The following STOML2 variants were observed in gnomAD, a reference collection of about 807,000 sequenced individuals.
The protein encoded by STOML2 is stomatin like 2, also known as stomatin-like protein 2, mitochondrial.
A neutral mutation model predicts 45.7 loss-of-function variants in STOML2; 22 were observed. That is an observed-to-expected ratio of 0.48 (90% CI 0.34 to 0.69). The LOEUF (loss-of-function observed/expected upper bound fraction) is 0.69. STOML2 is among the 30% of genes least tolerant of loss of function. The pLI is 0.01. For missense variants in STOML2, 359 were observed against 466.9 expected, an observed-to-expected ratio of 0.77 and a Z score of 2.13; for synonymous variants, 181 against 182.7, an observed-to-expected ratio of 0.99 and a Z score of 0.08.
In STOML2 at chr9:35,103,081, G is replaced by C. The variant is rs750689070; in HGVS notation, c.14C>G (p.Ala5Gly). The C allele has an allele frequency of 1.9e-6, 3 of 1,613,760 alleles. No homozygotes were observed. The highest frequency in any genetic ancestry group is 2.2e-5 in the South Asian group (2 of 91,056). The change falls in exon 1 of 10, where the codon GCG (alanine) becomes GGG (glycine). Residue 5 changes from alanine to glycine, a missense_variant. Coordinates refer to ENST00000356493, the MANE Select transcript of STOML2 (RefSeq NM_013442.3). MLAR[A>G]ARGTGALLLR... is the part of the protein sequence containing the mutation. ...CAAAAGGGCCCCAGTGCCCCGCGCC[G>C]CGCGCGCCAGCATTTCCCACCGCCG...
rs1227943452 is a variant in STOML2 at position 35,101,574 on chromosome 9, T to C, written c.445-14A>G. The stretch of plus-strand genomic sequence containing the variant: ...GGACTCCCGTTCCTGGAAAAAGAGG[T>C]GTAAGCCCCACAGCCTCAACCTACC... On this transcript the variant is annotated splice_polypyrimidine_tract_variant and intron_variant, in intron 5 of 9. Transcript: ENST00000356493. The surrounding 1 kb of genome is among the most constrained non-coding windows in gnomAD (Gnocchi z 4.3). 10 of 1,613,858 alleles carry C rather than the reference T, an allele frequency of 6.2e-6. No individual in the cohort carries two copies. Among genetic ancestry groups the C allele is most frequent in the Non-Finnish European group, 7.6e-6 (9 of 1,180,004 alleles).
In STOML2 at chr9:35,102,239, G is replaced by T. The variant is rs1829834413; in HGVS notation, c.184-45C>A. ...GTCCTCAGAAGGCTGGGAACTATTG[G>T]GTTGGGACCTAAGCTAGTCCTGGAG... On this transcript the variant is annotated intron_variant, in intron 2 of 9. Transcript: ENST00000356493. This position sits in a 1 kb window ranked among gnomAD's most constrained non-coding sequence, Gnocchi z 4.8. The T allele has an allele frequency of 1.3e-6, 2 of 1,553,952 alleles. No individual in the cohort carries two copies. Among genetic ancestry groups the T allele is most frequent in the African/African-American group, 2.7e-5 (2 of 73,308 alleles).
chr9:35,102,238 G>A lies in STOML2; in HGVS notation c.184-44C>T. On this transcript the variant is annotated intron_variant, in intron 2 of 9. Coordinates refer to ENST00000356493, the MANE Select transcript of STOML2 (RefSeq NM_013442.3). The surrounding 1 kb of genome is among the most constrained non-coding windows in gnomAD (Gnocchi z 4.8). ...GGTCCTCAGAAGGCTGGGAACTATT[G>A]GGTTGGGACCTAAGCTAGTCCTGGA... 1 of 1,567,246 alleles carries A rather than the reference G, an allele frequency of 6.4e-7. No homozygotes were observed. The highest frequency in any genetic ancestry group is 8.8e-7 in the Non-Finnish European group (1 of 1,139,992).
In STOML2 at chr9:35,099,978, C is replaced by G; in HGVS notation, c.*57G>C. 2.5e-6 allele frequency: 4 copies of G among 1,574,446 alleles called. No individual in the cohort carries two copies. Among genetic ancestry groups the G allele is most frequent in the Non-Finnish European group, 3.5e-6 (4 of 1,153,960 alleles). On this transcript the variant is annotated 3_prime_UTR_variant, in exon 10 of 10. Coordinates refer to ENST00000356493, the MANE Select transcript of STOML2 (RefSeq NM_013442.3). ...AAAATCTTGGCAGGGAAGCTAGAGC[C>G]AGAATCAGGAAAATCTGCTTCCTTG...
rs112222259 is a variant in STOML2, at chr9:35,101,295, A to G, written c.580-16T>C. On this transcript the variant is annotated splice_polypyrimidine_tract_variant and intron_variant, in intron 6 of 9. Coordinates refer to ENST00000356493, the MANE Select transcript of STOML2 (RefSeq NM_013442.3). The surrounding 1 kb of genome is among the most constrained non-coding windows in gnomAD (Gnocchi z 4.3). ...CTGCCTCCACCTGGAAGCCCACAACAATCCCAATCAACAAGCCAAGGGAGA... is the reference window on the plus strand; with the variant it reads ...CTGCCTCCACCTGGAAGCCCACAACGATCCCAATCAACAAGCCAAGGGAGA... 10 of 1,614,028 alleles carry G rather than the reference A, an allele frequency of 6.2e-6. No individual in the cohort carries two copies. The African/African-American group carries it at 1.2e-4, about 19-fold the overall frequency.
In STOML2 at chr9:35,102,798, G is replaced by C. The variant is rs778151483; in HGVS notation, c.71C>G (p.Ala24Gly). Residue 24 changes from alanine to glycine, a missense_variant, in exon 2 of 10, where the codon GCT (alanine) becomes GGT (glycine). Transcript: ENST00000356493. The surrounding 1 kb of genome is among the most constrained non-coding windows in gnomAD (Gnocchi z 4.8). ...LRGSLLASGR[A>G]PRRASSGLPR... ...CAATCCAGAGGAGGCGCGGCGCGGAGCGCGGCCAGAAGCCAGTAGAGAGCC... is the reference window on the plus strand; with the variant it reads ...CAATCCAGAGGAGGCGCGGCGCGGACCGCGGCCAGAAGCCAGTAGAGAGCC... The C allele has an allele frequency of 1.2e-6, 2 of 1,614,018 alleles. No individual in the cohort carries two copies. Among genetic ancestry groups the C allele is most frequent in the Admixed American group, 1.7e-5 (1 of 60,026 alleles).
In STOML2 at chr9:35,101,438, A is replaced by G; in HGVS notation, c.567T>C (p.Ser189=). 1 of 1,614,124 alleles carries G rather than the reference A, an allele frequency of 6.2e-7. No homozygotes were observed. The highest frequency in any genetic ancestry group is 8.5e-7 in the Non-Finnish European group (1 of 1,180,020). The part of the protein sequence containing the change: ...DIHVPPRVKE[S]MQMQVEAERR... Reference sequence around the variant, plus strand: ...CCTTGGCCCCCACCTGCATCTGCATAGACTCTTTCACCCGGGGTGGCACAT... The same window carrying G: ...CCTTGGCCCCCACCTGCATCTGCATGGACTCTTTCACCCGGGGTGGCACAT... Residue 189 remains serine, a synonymous_variant, in exon 6 of 10, where the codon TCT becomes TCC. Transcript: ENST00000356493. This position sits in a 1 kb window ranked among gnomAD's most constrained non-coding sequence, Gnocchi z 4.3.
chr9:35,100,592 T>C lies in STOML2; in HGVS notation c.933+6A>G, dbSNP rs1181863154. The stretch of plus-strand genomic sequence containing the variant: ...GCTCTATGCTGGGTCCTCAGAGAGC[T>C]CTAACCTGAGCCACCATGCTGGTGA... On this transcript the variant is annotated splice_donor_region_variant and intron_variant, in intron 9 of 9. Transcript: ENST00000356493. 9 of 1,613,490 alleles carry C rather than the reference T, an allele frequency of 5.6e-6. No individual in the cohort carries two copies. In the South Asian group the frequency reaches 6.6e-5, roughly 12 times the overall value.
rs141932381 is a variant in STOML2 at position 35,101,351 on chromosome 9, A to G, written c.580-72T>C. ...ACAGACATGCAACTCTACCCATCAT[A>G]ACAGGAGGGAAGTCTGGATCCTCCT... On this transcript the variant is annotated intron_variant, in intron 6 of 9. Coordinates refer to ENST00000356493, the MANE Select transcript of STOML2 (RefSeq NM_013442.3). The surrounding 1 kb of genome is among the most constrained non-coding windows in gnomAD (Gnocchi z 4.3). The G allele has an allele frequency of 1.4e-5, 23 of 1,611,736 alleles. No individual in the cohort carries two copies. The African/African-American group carries it at 2.9e-4, about 21-fold the overall frequency.
rs1829835436 is a variant in STOML2 at position 35,102,283 on chromosome 9, A to C, written c.184-89T>G. The C allele has an allele frequency of 5.4e-6, 6 of 1,109,928 alleles. No homozygotes were observed. Among genetic ancestry groups the C allele is most frequent in the Non-Finnish European group, 7.9e-6 (6 of 755,186 alleles). The allele number at this position is 1,109,928 out of a possible 1,614,324, so 68.8% of individuals were successfully genotyped here. ...CCTGGAGTATGTAGGGAGTCAACAC[A>C]TGGAACATGCCCAGAAAAGCAGCAG... On this transcript the variant is annotated intron_variant, in intron 2 of 9. Transcript: ENST00000356493. The surrounding 1 kb of genome is among the most constrained non-coding windows in gnomAD (Gnocchi z 4.8).
chr9:35,103,138 A>G, upstream of STOML2: 1 of 1,608,212 alleles, frequency 6.2e-7, no homozygotes, highest in East Asian at 2.2e-5. Context: ...AGACGAGCGG[A>G]GCGGTCGCTC....
At position 35,101,344 on chromosome 9, in the gene STOML2, C is replaced by T; in HGVS notation, c.580-65G>A. 6.2e-7 allele frequency: 1 copy of T among 1,612,722 alleles called. No individual in the cohort carries two copies. Among genetic ancestry groups the T allele is most frequent in the Non-Finnish European group, 8.5e-7 (1 of 1,179,030 alleles). Reference sequence around the variant, plus strand: ...GACTGATACAGACATGCAACTCTACCCATCATAACAGGAGGGAAGTCTGGA... The same window carrying T: ...GACTGATACAGACATGCAACTCTACTCATCATAACAGGAGGGAAGTCTGGA... On this transcript the variant is annotated intron_variant, in intron 6 of 9. Transcript: ENST00000356493. This position sits in a 1 kb window ranked among gnomAD's most constrained non-coding sequence, Gnocchi z 4.3.
chr9:35,100,968 T>C lies in STOML2; in HGVS notation c.768A>G (p.Glu256=), dbSNP rs943535991. 1.2e-6 allele frequency: 2 copies of C among 1,614,118 alleles called. No homozygotes were observed. Among genetic ancestry groups the C allele is most frequent in the African/African-American group, 2.7e-5 (2 of 74,940 alleles). The part of the protein sequence containing the change: ...AVLAKAKAKA[E]AIRILAAALT... Reference sequence around the variant, plus strand: ...GAGCTGCAGCCAGGATTCGAATAGCTTCAGCTTTAGCCTTGGCCTTCGCCA... The same window carrying C: ...GAGCTGCAGCCAGGATTCGAATAGCCTCAGCTTTAGCCTTGGCCTTCGCCA... Residue 256 remains glutamate, a synonymous_variant, in exon 8 of 10, where the codon GAA becomes GAG. Coordinates refer to ENST00000356493, the MANE Select transcript of STOML2 (RefSeq NM_013442.3).
chr9:35,103,115 T>A lies in STOML2; in HGVS notation c.-21A>T. On this transcript the variant is annotated 5_prime_UTR_variant, in exon 1 of 10. Coordinates refer to ENST00000356493, the MANE Select transcript of STOML2 (RefSeq NM_013442.3). ...AGCATTTCCCACCGCCGCAGCGACC[T>A]CCGGAACCAACGAGACGAGCGGAGC... 1.2e-6 allele frequency: 2 copies of A among 1,612,024 alleles called. No individual in the cohort carries two copies. Among genetic ancestry groups the A allele is most frequent in the Non-Finnish European group, 1.7e-6 (2 of 1,179,714 alleles).
Position 35,099,852 on chromosome 9 carries a change from G to A in STOML2, c.*183C>T. On this transcript the variant is annotated 3_prime_UTR_variant, in exon 10 of 10. Transcript: ENST00000356493. ...AGGACTGGATCCAAGGAAAATGCTA[G>A]TGACTTTCCCAACTTCATTCCCCAA... The A allele has an allele frequency of 3.1e-6, 2 of 650,020 alleles. No homozygotes were observed. The highest frequency in any genetic ancestry group is 3.6e-5 in the African/African-American group (2 of 55,374). 40.3% of individuals were successfully genotyped at this position (650,020 alleles called of 1,614,324 possible).
chr9:35,100,901 C>G, intron 8 of STOML2, 31 bp downstream of exon 8: 1 of 1,614,134 alleles, frequency 6.2e-7, no homozygotes, highest in South Asian at 1.1e-5. Context: ...CTGTCAATTC[C>G]TGTCCCCATT....
upstream of STOML2, chr9:35,103,175 T>C: frequency 6.4e-7 from 1 of 1,552,138 alleles, no homozygotes; most frequent in Non-Finnish European, 8.8e-7. Context: ...GCCTTTCCTC[T>C]TGCAGTTCCG....
Position 35,103,126 on chromosome 9 carries a change from C to A in STOML2, c.-32G>T, listed in dbSNP as rs373344849. 6.2e-7 allele frequency: 1 copy of A among 1,610,734 alleles called. No homozygotes were observed. The highest frequency in any genetic ancestry group is 8.5e-7 in the Non-Finnish European group (1 of 1,179,418). On this transcript the variant is annotated 5_prime_UTR_variant, in exon 1 of 10. Coordinates refer to ENST00000356493, the MANE Select transcript of STOML2 (RefSeq NM_013442.3). Reference sequence around the variant, plus strand: ...CCGCCGCAGCGACCTCCGGAACCAACGAGACGAGCGGAGCGGTCGCTCCCA... The same window carrying A: ...CCGCCGCAGCGACCTCCGGAACCAAAGAGACGAGCGGAGCGGTCGCTCCCA...
rs973617565 is a variant in STOML2, at chr9:35,102,225, G to C, written c.184-31C>G. The C allele has an allele frequency of 1.0e-5, 16 of 1,595,740 alleles. No homozygotes were observed. Among genetic ancestry groups the C allele is most frequent in the Non-Finnish European group, 1.4e-5 (16 of 1,164,506 alleles). On this transcript the variant is annotated intron_variant, in intron 2 of 9. Transcript: ENST00000356493. This position sits in a 1 kb window ranked among gnomAD's most constrained non-coding sequence, Gnocchi z 4.8. ...AAGAGGAGTCATGGGTCCTCAGAAG[G>C]CTGGGAACTATTGGGTTGGGACCTA...
Sources: gnomAD v4.1 joint callset for allele counts on GRCh38, gnomAD v4.1.1 for gene constraint, Gnocchi (gnomAD v3.1) non-coding constraint, MANE v1.5 for transcripts, NCBI Gene and HGNC (gene_info 2026-07-23, HGNC 2026-07-21) for gene names.